ZNF791: variants seen among roughly 807,000 people sequenced by gnomAD.
ZNF791 encodes zinc finger protein 791.
A neutral mutation model predicts 11.5 loss-of-function variants in ZNF791; 4 were observed. The ratio of observed to expected loss-of-function variants is 0.35; its 90% CI spans 0.17 to 0.80. The LOEUF is 0.80. Ranked by LOEUF, ZNF791 falls within the 30% of genes least tolerant of loss-of-function variation. The pLI is 0.53. For missense variants in ZNF791, 559 were observed against 699.4 expected (o/e 0.80, Z 2.26); for synonymous variants, 212 against 228.1 (o/e 0.93, Z 0.64).
intron 1 of ZNF791, among the ~76,000 whole-genome samples, chr19:12,621,806 C>A (rs1294333286): frequency 1.5e-5 from 2 of 137,100 alleles, no homozygotes; most frequent in African/African-American, 2.7e-5. Flanking sequence ...CCGCCCCGTC[C>A]GGGAGGTGAG....
intron 1 of ZNF791, among the ~76,000 whole-genome samples, chr19:12,611,928 T>C (rs1024035435): frequency 2.0e-5 from 3 of 152,230 alleles, no homozygotes; most frequent in Admixed American, 6.5e-5. Flanking sequence ...AAAATATATG[T>C]TATCAGAAGA....
rs906921756 is a variant in ZNF791 at position 12,627,875 on chromosome 19, A to G, written c.346A>G (p.Thr116Ala). Residue 116 changes from threonine to alanine, a missense_variant, in exon 4 of 4, where the codon ACT becomes GCT. Transcript: ENST00000343325. ...GKAFMRLSSLTRHMRSHTGYE... is the reference protein window; with the variant it reads ...GKAFMRLSSLARHMRSHTGYE... ...AGCCTTCATGCGTCTCTCATCCCTT[A>G]CTAGACACATGAGGTCTCACACTGG... 6.2e-7 allele frequency: 1 copy of G among 1,614,084 alleles called. No individual in the cohort carries two copies. The highest frequency in any genetic ancestry group is 8.5e-7 in the Non-Finnish European group (1 of 1,180,040).
chr19:12,611,083 G>C lies in ZNF791; in HGVS notation c.3+1G>C, dbSNP rs1406558043. 1 of 1,614,168 alleles carries C rather than the reference G, an allele frequency of 6.2e-7. No homozygotes were observed. The highest frequency in any genetic ancestry group is 8.5e-7 in the Non-Finnish European group (1 of 1,180,038). On this transcript the variant is annotated splice_donor_variant, in intron 1 of 3. Transcript: ENST00000343325. LOFTEE classifies it high-confidence loss of function. ...GGGACACCCGCGAGGCCGGAAAATGGTGAGTGTGCAGGGCCGGACTAGTTG... is the reference window on the plus strand; with the variant it reads ...GGGACACCCGCGAGGCCGGAAAATGCTGAGTGTGCAGGGCCGGACTAGTTG...
chr19:12,622,411 C>CAAA (rs370413296), intron 1 of ZNF791, among the ~76,000 whole-genome samples: 2,403 of 79,532 alleles, frequency 0.03, 102 homozygotes, highest in African/African-American at 0.037. Flanking sequence ...CTGTCTCAAA[C>CAAA]AAAAAAAAAA....
At position 12,628,169 on chromosome 19, in the gene ZNF791, A is replaced by G; in HGVS notation, c.640A>G (p.Lys214Glu). 1.2e-6 allele frequency: 2 copies of G among 1,614,180 alleles called. No individual in the cohort carries two copies. The highest frequency in any genetic ancestry group is 1.7e-6 in the Non-Finnish European group (2 of 1,180,022). ...RVHERIHTGE[K>E]PYECKQCGKA... Reference sequence around the variant, plus strand: ...TCATGAAAGGATTCACACTGGAGAAAAGCCCTATGAATGTAAACAATGTGG... The same window carrying G: ...TCATGAAAGGATTCACACTGGAGAAGAGCCCTATGAATGTAAACAATGTGG... Residue 214 changes from lysine (K) to glutamate (E), a missense_variant, in exon 4 of 4, where the codon AAG becomes GAG. Coordinates refer to ENST00000343325, the MANE Select transcript of ZNF791 (RefSeq NM_153358.3).
At chr19:12,627,426 AGACCAGCCT>A (rs772394946) in intron 3 of ZNF791, among the ~76,000 whole-genome samples, 3 of 152,142 alleles carry the variant, frequency 2.0e-5, no homozygotes, top group Non-Finnish European at 4.4e-5. Flanking sequence ...CAGGAGTTCA[AGACCAGCCT>A]GACCAGCATG....
At chr19:12,614,960 TCTGGAACTCCTGGC>T (rs1166328998) in intron 1 of ZNF791, among the ~76,000 whole-genome samples, 1 of 127,880 alleles carries the variant, frequency 7.8e-6, no homozygotes, top group Non-Finnish European at 1.6e-5. Flanking sequence ...CCCAAGCTGG[TCTGGAACTCCTGGC>T]CTCAGGCCGT....
At chr19:12,614,215 T>C (rs1177461844) in intron 1 of ZNF791, among the ~76,000 whole-genome samples, 5 of 152,068 alleles carry the variant, frequency 3.3e-5, no homozygotes, top group African/African-American at 7.2e-5. Context: ...ACTGACCCAC[T>C]CTAGGGGTTA....
rs3057757 is a variant in ZNF791 at position 12,622,411 on chromosome 19, C to T, written c.4-1289C>T. 5.0e-5 allele frequency among the ~76,000 whole-genome samples: 4 copies of T among 79,606 alleles called. No individual in the cohort carries two copies. In the East Asian group the frequency reaches 1.9e-3, roughly 38 times the overall value. 52.2% of individuals were successfully genotyped at this position (79,606 alleles called of 152,430 possible). A position where few individuals can be genotyped will look rare whatever the true frequency, so the allele number is the denominator to read the frequency against. ...ATAATAAAAAAAAGACTGTCTCAAACAAAAAAAAAAAAAAAAAAAAACCTC... is the reference window on the plus strand; with the variant it reads ...ATAATAAAAAAAAGACTGTCTCAAATAAAAAAAAAAAAAAAAAAAAACCTC... On this transcript the variant is annotated intron_variant, in intron 1 of 3. Coordinates refer to ENST00000343325, the MANE Select transcript of ZNF791 (RefSeq NM_153358.3).
chr19:12,623,724 T>A lies in ZNF791; in HGVS notation c.28T>A (p.Ser10Thr). 1 of 1,614,182 alleles carries A rather than the reference T, an allele frequency of 6.2e-7. No individual in the cohort carries two copies. Among genetic ancestry groups the A allele is most frequent in the Non-Finnish European group, 8.5e-7 (1 of 1,180,032 alleles). The change falls in exon 2 of 4, where the codon TCT (serine) becomes ACT (threonine). Residue 10 changes from serine (S) to threonine (T), a missense_variant. Coordinates refer to ENST00000343325, the MANE Select transcript of ZNF791 (RefSeq NM_153358.3). Reference sequence around the variant, plus strand: ...GGACTCAGTGGCTTTTGAGGATGTGTCTGTGAGCTTCAGCCAGGAGGAGTG... The same window carrying A: ...GGACTCAGTGGCTTTTGAGGATGTGACTGTGAGCTTCAGCCAGGAGGAGTG... The part of the protein sequence containing the change: MDSVAFEDV[S>T]VSFSQEEWAL...
chr19:12,617,420 G>A (rs1264404721), intron 1 of ZNF791, among the ~76,000 whole-genome samples: 2 of 151,996 alleles, frequency 1.3e-5, no homozygotes, highest in African/African-American at 2.4e-5. Flanking sequence ...CACTGCGCCC[G>A]GCCCAAATTT....
intron 1 of ZNF791, chr19:12,623,366 C>G (rs75854015): frequency 0.027 from 7,088 of 261,828 alleles, 154 homozygotes; most frequent in Non-Finnish European, 0.038. Context: ...GATTGTACCA[C>G]TGCACTCCAG....
intron 2 of ZNF791, among the ~76,000 whole-genome samples, chr19:12,624,314 G>A (rs1314154588): frequency 2.0e-5 from 3 of 151,260 alleles, no homozygotes; most frequent in African/African-American, 2.4e-5. Context: ...CACCATGCCC[G>A]GCTAATTTTT....
rs150533122 is a variant in ZNF791, at chr19:12,611,424, T to C, written c.3+342T>C. Among the ~76,000 whole-genome samples the C allele has an allele frequency of 2.0e-3, 308 of 152,226 alleles. 1 individual carries two copies. The highest frequency in any genetic ancestry group is 7.1e-3 in the African/African-American group (293 of 41,534). Reference sequence around the variant, plus strand: ...TTTCCCCCTGAGTCTTCCAAAGATGTTGGAAGCAGAGTCTCAAATCCACTA... The same window carrying C: ...TTTCCCCCTGAGTCTTCCAAAGATGCTGGAAGCAGAGTCTCAAATCCACTA... On this transcript the variant is annotated intron_variant, in intron 1 of 3. Transcript: ENST00000343325.
chr19:12,618,443 C>T (rs929247283), intron 1 of ZNF791, among the ~76,000 whole-genome samples: 1 of 151,696 alleles, frequency 6.6e-6, no homozygotes, highest in Non-Finnish European at 1.5e-5. Flanking sequence ...CCCGGGAAGT[C>T]GAGGCTGCTG....
chr19:12,613,320 G>A (rs1041036726), intron 1 of ZNF791, among the ~76,000 whole-genome samples: 4 of 151,842 alleles, frequency 2.6e-5, no homozygotes, highest in Admixed American at 6.6e-5. Flanking sequence ...GGTGGCTCAT[G>A]CCTGTAATCC....
intron 1 of ZNF791, among the ~76,000 whole-genome samples, chr19:12,616,113 T>C (rs2023242086): frequency 6.6e-6 from 1 of 152,244 alleles, no homozygotes; most frequent in Non-Finnish European, 1.5e-5. Flanking sequence ...TTTTGAACTT[T>C]GTACGTTCTA....
intron 1 of ZNF791, among the ~76,000 whole-genome samples, chr19:12,622,978 T>C (rs182873489): frequency 5.9e-5 from 9 of 151,888 alleles, no homozygotes; most frequent in African/African-American, 2.2e-4. Context: ...CTCGTGAAGC[T>C]GAGGCAGGAG....
intron 1 of ZNF791, among the ~76,000 whole-genome samples, chr19:12,615,270 C>T (rs529522385): frequency 6.6e-6 from 1 of 151,970 alleles, no homozygotes. Flanking sequence ...CCCGCCCTGG[C>T]CTCCCACAGC....
Sources: allele counts gnomAD v4.1 joint callset (sites outside exome capture counted in the v4.1 genomes callset), GRCh38; gene constraint gnomAD v4.1.1; transcripts MANE v1.5; gene names NCBI Gene and HGNC (gene_info 2026-07-23, HGNC 2026-07-21).